The following TYW1 variants were observed in gnomAD, a reference collection of about 807,000 sequenced individuals.
TYW1 encodes S-adenosyl-L-methionine-dependent tRNA 4-demethylwyosine synthase TYW1.
Under a neutral mutation model 96.2 loss-of-function variants are expected in TYW1, and 46 were observed. The ratio of observed to expected loss-of-function variants is 0.48; its 90% confidence interval spans 0.38 to 0.61. The LOEUF is 0.61. Among genes scored for constraint, TYW1 ranks in the 20% least tolerant of loss-of-function variants. The pLI, the probability that TYW1 is intolerant of heterozygous loss-of-function variation, is 0.00. For synonymous variants in TYW1, 274 were observed against 323.0 expected (o/e 0.85, Z 1.63); for missense variants, 684 against 909.6 (o/e 0.75, Z 3.19).
At chr7:67,095,251 G>A (rs1226854672) in intron 11 of TYW1, among the ~76,000 whole-genome samples, 1 of 151,954 alleles carries the variant, frequency 6.6e-6, no homozygotes, top group Non-Finnish European at 1.5e-5. Context: ...CACCCATCTC[G>A]GCCTCACTAA....
intron 12 of TYW1, among the ~76,000 whole-genome samples, chr7:67,100,541 G>A (rs2115871756): frequency 1.3e-5 from 2 of 151,958 alleles, no homozygotes; most frequent in East Asian, 3.9e-4. Context: ...GGCCAATAAA[G>A]TATAAGATTG....
At chr7:67,023,875 G>C (rs559074132) in intron 6 of TYW1, among the ~76,000 whole-genome samples, 1 of 152,194 alleles carries the variant, frequency 6.6e-6, no homozygotes, top group Non-Finnish European at 1.5e-5. Context: ...CGTATTAGCT[G>C]TGATTTCTTA....
intron 6 of TYW1, among the ~76,000 whole-genome samples, chr7:67,023,321 T>C (rs570470023): frequency 6.6e-6 from 1 of 152,160 alleles, no homozygotes; most frequent in East Asian, 2.0e-4. Flanking sequence ...TGTCTCGAAC[T>C]CTTGACCTCA....
chr7:67,154,916 C>T (rs916119923), intron 13 of TYW1, among the ~76,000 whole-genome samples: 1 of 152,088 alleles, frequency 6.6e-6, no homozygotes, highest in Non-Finnish European at 1.5e-5. Context: ...TTTCAAAAGT[C>T]TTGTCTTCGA....
At chr7:67,152,459 C>T (rs1407555601) in intron 13 of TYW1, among the ~76,000 whole-genome samples, 1 of 151,978 alleles carries the variant, frequency 6.6e-6, no homozygotes, top group Non-Finnish European at 1.5e-5. Flanking sequence ...TCTTTGCTGG[C>T]ATCTTCCCCT....
At chr7:67,072,959 T>TC (rs1451433654) in intron 10 of TYW1, among the ~76,000 whole-genome samples, 4 of 136,864 alleles carry the variant, frequency 2.9e-5, no homozygotes, top group Non-Finnish European at 6.4e-5. Context: ...TTTTTTTTTT[T>TC]TTTTTATAGA....
chr7:67,169,602 T>G (rs1425160712), intron 13 of TYW1, among the ~76,000 whole-genome samples: 1 of 152,202 alleles, frequency 6.6e-6, no homozygotes, highest in Non-Finnish European at 1.5e-5. Context: ...AGTTTCACCA[T>G]ATTGGCCAGG....
intron 7 of TYW1, among the ~76,000 whole-genome samples, chr7:67,026,929 G>C (rs1794470733): frequency 6.6e-6 from 1 of 152,104 alleles, no homozygotes; most frequent in South Asian, 2.1e-4. Context: ...GAGTGCAGTG[G>C]CTCACCCTGT....
intron 13 of TYW1, among the ~76,000 whole-genome samples, chr7:67,170,125 A>G (rs1292374792): frequency 1.3e-5 from 2 of 152,162 alleles, no homozygotes; most frequent in Non-Finnish European, 2.9e-5. Context: ...TTGGTGGACA[A>G]TGTGAGAGGT....
chr7:67,155,046 G>C (rs1798924402), intron 13 of TYW1, among the ~76,000 whole-genome samples: 1 of 152,064 alleles, frequency 6.6e-6, no homozygotes, highest in African/African-American at 2.4e-5. Flanking sequence ...TAGGATATCT[G>C]TATCTTTGTA....
chr7:67,099,436 A>G (rs1198036446), intron 12 of TYW1, among the ~76,000 whole-genome samples: 2 of 152,192 alleles, frequency 1.3e-5, no homozygotes, highest in East Asian at 3.9e-4. Context: ...GGTATTTGTG[A>G]TAACCATTAT....
chr7:67,225,971 C>T (rs867001466), intron 15 of TYW1, among the ~76,000 whole-genome samples: 1 of 150,784 alleles, frequency 6.6e-6, no homozygotes, highest in Non-Finnish European at 1.5e-5. Context: ...GTGATCTCTG[C>T]CTCTTCTTAC....
At chr7:67,075,602 A>G (rs12537414) in intron 10 of TYW1, among the ~76,000 whole-genome samples, 6,094 of 152,332 alleles carry the variant, frequency 0.04, 180 homozygotes, top group Middle Eastern at 0.1. Flanking sequence ...ATATTATACT[A>G]AGTGAAAGAA....
chr7:67,017,260 G>A (rs1324739692), intron 5 of TYW1, among the ~76,000 whole-genome samples: 1 of 152,126 alleles, frequency 6.6e-6, no homozygotes, highest in Non-Finnish European at 1.5e-5. Flanking sequence ...TGGGATTACA[G>A]ACATGAGACA....
rs563335299 is a variant in TYW1 at position 67,197,515 on chromosome 7, G to A, written c.1977+2178G>A. ...TAATTTTTGTGTTTTTAGTAGAGAC[G>A]GGGTTTCACCGTGTTAGCCAGGCTG... On this transcript the variant is annotated intron_variant, in intron 15 of 15. Transcript: ENST00000359626. 2.0e-4 allele frequency among the ~76,000 whole-genome samples: 30 copies of A among 152,222 alleles called. 1 individual carries two copies. The highest frequency in any genetic ancestry group is 1.9e-3 in the Admixed American group (29 of 15,296).
At chr7:67,148,374 C>G (rs542186155) in intron 13 of TYW1, among the ~76,000 whole-genome samples, 1 of 149,206 alleles carries the variant, frequency 6.7e-6, no homozygotes, top group South Asian at 2.1e-4. Flanking sequence ...AACATGAGTC[C>G]GAGACTCCAA....
rs370643478 is a variant in TYW1, at chr7:67,227,603, G to A, written c.1978-10705G>A. Among the ~76,000 whole-genome samples, 4 of 151,900 alleles carry A rather than the reference G, an allele frequency of 2.6e-5. No homozygotes were observed. In the East Asian group the frequency reaches 7.7e-4, roughly 29 times the overall value. On this transcript the variant is annotated intron_variant, in intron 15 of 15. Coordinates refer to ENST00000359626, the MANE Select transcript of TYW1 (RefSeq NM_018264.4). ...CAACCAAATGGTTTCATATAGTTGG[G>A]GCTTTGGGCCATGCAGTTATTGGCT...
At chr7:67,016,681 A>T (rs572719088) in intron 5 of TYW1, among the ~76,000 whole-genome samples, 5 of 152,278 alleles carry the variant, frequency 3.3e-5, no homozygotes, top group South Asian at 4.1e-4. Flanking sequence ...CATGTTGCCT[A>T]GGTTGGAGTT....
At chr7:67,187,720 T>C (rs1800073957) in intron 14 of TYW1, among the ~76,000 whole-genome samples, 2 of 152,384 alleles carry the variant, frequency 1.3e-5, no homozygotes, top group South Asian at 4.1e-4. Flanking sequence ...ACATTTTCAA[T>C]GTTGTATGTT....
Sources: gnomAD v4.1 joint callset for allele counts (sites outside exome capture counted in the v4.1 genomes callset) on GRCh38, gnomAD v4.1.1 for gene constraint, MANE v1.5 for transcripts, NCBI Gene and HGNC (gene_info 2026-07-23, HGNC 2026-07-21) for gene names.